Variants in CNTNAP2 observed in about 807,000 individuals in gnomAD.
CNTNAP2 encodes the protein contactin associated protein 2, also known as contactin-associated protein-like 2.
A neutral mutation model predicts 155.2 loss-of-function variants in CNTNAP2; 98 were observed. The observed-to-expected ratio is 0.63, with a 90% CI of 0.54 to 0.75. The LOEUF (loss-of-function observed/expected upper bound fraction) is 0.75. Among genes scored for constraint, CNTNAP2 ranks in the 30% least tolerant of loss-of-function variants. The probability of loss-of-function intolerance (pLI) is 0.00; values close to 1 mark genes in which losing one functional copy is unlikely to be tolerated. For synonymous variants in CNTNAP2, 651 were observed against 631.2 expected, an observed-to-expected ratio of 1.03 and a Z score of -0.47; for missense variants, 1,727 against 1,688.1, an observed-to-expected ratio of 1.02 and a Z score of -0.40.
chr7:148,194,911 C>A (rs907081337), intron 18 of CNTNAP2, among the ~76,000 whole-genome samples: 7 of 152,142 alleles, frequency 4.6e-5, no homozygotes, highest in Non-Finnish European at 1.0e-4. Flanking sequence ...AGACACACCC[C>A]AAAATTATGT....
At chr7:147,691,613 G>C (rs556601900) in intron 13 of CNTNAP2, among the ~76,000 whole-genome samples, 2 of 152,024 alleles carry the variant, frequency 1.3e-5, no homozygotes, top group Admixed American at 6.6e-5. Flanking sequence ...ACACATTTGC[G>C]GTGTCAAGAG....
At chr7:147,609,283 G>C (rs1401561083) in intron 12 of CNTNAP2, among the ~76,000 whole-genome samples, 1 of 152,170 alleles carries the variant, frequency 6.6e-6, no homozygotes, top group Admixed American at 6.5e-5. Context: ...TGTAATCCCA[G>C]CACTTTGGGA....
intron 3 of CNTNAP2, among the ~76,000 whole-genome samples, chr7:146,986,185 C>T (rs912094058): frequency 3.9e-5 from 6 of 151,994 alleles, no homozygotes; most frequent in African/African-American, 1.2e-4. Flanking sequence ...CCCTAAAGTC[C>T]GTTGTGTCAT....
chr7:146,422,746 T>G (rs758651421), intron 1 of CNTNAP2, among the ~76,000 whole-genome samples: 4 of 152,148 alleles, frequency 2.6e-5, no homozygotes, highest in Non-Finnish European at 4.4e-5. Flanking sequence ...CTTGGAATCC[T>G]AAAGTGCTGG....
intron 8 of CNTNAP2, among the ~76,000 whole-genome samples, chr7:147,253,265 T>G (rs546505301): frequency 6.6e-6 from 1 of 152,070 alleles, no homozygotes; most frequent in Non-Finnish European, 1.5e-5. Context: ...TTCTGGAATC[T>G]AATATAGAAA....
intron 3 of CNTNAP2, among the ~76,000 whole-genome samples, chr7:146,926,570 C>T (rs1342286282): frequency 6.6e-6 from 1 of 152,082 alleles, no homozygotes; most frequent in Non-Finnish European, 1.5e-5. Context: ...AACGGGCCTC[C>T]TTCCACAATT....
intron 1 of CNTNAP2, among the ~76,000 whole-genome samples, chr7:146,191,909 C>T (rs1798711571): frequency 6.6e-6 from 1 of 152,084 alleles, no homozygotes; most frequent in Non-Finnish European, 1.5e-5. Context: ...ACGCAATCAT[C>T]ACAGGGTCTT....
intron 18 of CNTNAP2, among the ~76,000 whole-genome samples, chr7:148,194,530 T>C: frequency 6.6e-6 from 1 of 152,132 alleles, no homozygotes; most frequent in Non-Finnish European, 1.5e-5. Context: ...GGGAATTTAT[T>C]ATTGGAAGTG....
intron 11 of CNTNAP2, among the ~76,000 whole-genome samples, chr7:147,560,239 A>C (rs2116784833): frequency 6.6e-6 from 1 of 150,502 alleles, no homozygotes; most frequent in East Asian, 2.0e-4. Context: ...GCTTTAGTTT[A>C]AGTACTGGTA....
At chr7:146,436,059 A>T (rs1257188933) in intron 1 of CNTNAP2, among the ~76,000 whole-genome samples, 1 of 152,222 alleles carries the variant, frequency 6.6e-6, no homozygotes, top group Non-Finnish European at 1.5e-5. Context: ...GTTATTCAGC[A>T]AAAATATGAC....
intron 9 of CNTNAP2, among the ~76,000 whole-genome samples, chr7:147,391,466 T>G (rs2116444710): frequency 6.6e-6 from 1 of 152,248 alleles, no homozygotes; most frequent in Admixed American, 6.5e-5. Flanking sequence ...ACTCTGTCCC[T>G]TTCAGTACAA....
At chr7:146,856,971 T>C (rs981272156) in intron 3 of CNTNAP2, among the ~76,000 whole-genome samples, 2 of 152,122 alleles carry the variant, frequency 1.3e-5, no homozygotes, top group Non-Finnish European at 2.9e-5. Context: ...CTGTCTTGGA[T>C]AAGAAAAGAT....
intron 15 of CNTNAP2, among the ~76,000 whole-genome samples, chr7:147,984,480 T>A (rs979876459): frequency 2.0e-5 from 3 of 152,186 alleles, no homozygotes; most frequent in Non-Finnish European, 2.9e-5. Context: ...GACTGGAATC[T>A]ACCTAGTTCC....
intron 1 of CNTNAP2, among the ~76,000 whole-genome samples, chr7:146,472,459 G>A (rs1485184160): frequency 1.3e-5 from 2 of 152,074 alleles, no homozygotes; most frequent in East Asian, 1.9e-4. Context: ...CATTGCACTC[G>A]GATAACCACT....
In CNTNAP2 at chr7:147,138,186, G is replaced by C. The variant is rs146543943; in HGVS notation, c.1348+5677G>C. 2.5e-3 allele frequency among the ~76,000 whole-genome samples: 387 copies of C among 151,922 alleles called. 3 individuals carry two copies. Among genetic ancestry groups the C allele is most frequent in the African/African-American group, 8.8e-3 (367 of 41,488 alleles). On this transcript the variant is annotated intron_variant, in intron 8 of 23. Transcript: ENST00000361727. ...GATACAAAAGATAAAACATGGCTCT[G>C]TATTCTTAGGGCGAAAATGGAGCCT...
intron 13 of CNTNAP2, among the ~76,000 whole-genome samples, chr7:147,707,146 T>C (rs146156180): frequency 0.016 from 2,508 of 152,332 alleles, 223 homozygotes; most frequent in Admixed American, 0.15. Context: ...TTAGAATATA[T>C]TGCCAGAAAA....
chr7:148,341,142 T>C (rs1798222873), intron 21 of CNTNAP2, among the ~76,000 whole-genome samples: 2 of 152,212 alleles, frequency 1.3e-5, no homozygotes, highest in South Asian at 4.1e-4. Context: ...CAGGTCTAAC[T>C]TGGGAAAGCC....
At chr7:148,050,006 T>C (rs1802855762) in intron 15 of CNTNAP2, among the ~76,000 whole-genome samples, 1 of 151,644 alleles carries the variant, frequency 6.6e-6, no homozygotes, top group African/African-American at 2.4e-5. Flanking sequence ...CCATGAAAAA[T>C]ACAAAAATTA....
intron 13 of CNTNAP2, among the ~76,000 whole-genome samples, chr7:147,642,531 C>G (rs117501177): frequency 6.6e-6 from 1 of 152,044 alleles, no homozygotes; most frequent in African/African-American, 2.4e-5. Flanking sequence ...CATAACCACT[C>G]TCCTTTACAA....
Sources: gnomAD v4.1 joint callset for allele counts (sites outside exome capture counted in the v4.1 genomes callset) on GRCh38, gnomAD v4.1.1 for gene constraint, MANE v1.5 for transcripts, NCBI Gene and HGNC (gene_info 2026-07-23, HGNC 2026-07-21) for gene names.